The following RPRD1A variants were observed in gnomAD, a reference collection of about 807,000 sequenced individuals.
The protein encoded by RPRD1A is regulation of nuclear pre-mRNA domain containing 1A.
RPRD1A carries 9 observed loss-of-function variants against 37.8 expected under a neutral mutation model. That is an observed-to-expected ratio of 0.24 (90% CI 0.14 to 0.42). The LOEUF (loss-of-function observed/expected upper bound fraction) is 0.42. Ranked by LOEUF, RPRD1A falls within the 10% of genes least tolerant of loss-of-function variation. The pLI is 1.00. For synonymous variants in RPRD1A, 138 were observed against 139.7 expected (o/e 0.99, Z 0.08); for missense variants, 255 against 371.0 (o/e 0.69, Z 2.57).
At chr18:36,028,850 G>A (rs1302311123) in intron 4 of RPRD1A, among the ~76,000 whole-genome samples, 3 of 152,136 alleles carry the variant, frequency 2.0e-5, no homozygotes, top group Non-Finnish European at 4.4e-5. Flanking sequence ...AAGAGCAACA[G>A]CATTTTACAC....
At chr18:36,054,907 T>C (rs1207167622) in intron 1 of RPRD1A, among the ~76,000 whole-genome samples, 1 of 152,150 alleles carries the variant, frequency 6.6e-6, no homozygotes, top group Non-Finnish European at 1.5e-5. Context: ...AGAAGTTCTC[T>C]CTTATTCACT....
chr18:35,991,147 A>G lies in RPRD1A; in HGVS notation c.*2004T>C, dbSNP rs1908696807. 6.6e-6 allele frequency: 1 copy of G among 152,340 alleles called. No homozygotes were observed. The highest frequency in any genetic ancestry group is 1.5e-5 in the Non-Finnish European group (1 of 68,032). 9.4% of individuals were successfully genotyped at this position (152,340 alleles called of 1,614,324 possible). A position where few individuals can be genotyped will look rare whatever the true frequency, so the allele number is the denominator to read the frequency against. ...CTTCCCAGGAGTACATAGTTTATAA[A>G]TTAGTTTTAAATGGAAAAAAATATA... On this transcript the variant is annotated 3_prime_UTR_variant, in exon 7 of 7. Transcript: ENST00000399022.
intron 1 of RPRD1A, among the ~76,000 whole-genome samples, chr18:36,038,479 G>A (rs1278404870): frequency 6.6e-6 from 1 of 152,224 alleles, no homozygotes; most frequent in Non-Finnish European, 1.5e-5. Flanking sequence ...AGATTTCAGA[G>A]GATATATGGA....
intron 6 of RPRD1A, among the ~76,000 whole-genome samples, chr18:36,011,480 A>T (rs1451850288): frequency 6.6e-6 from 1 of 152,150 alleles, no homozygotes; most frequent in Non-Finnish European, 1.5e-5. Flanking sequence ...TTCTTAAGAA[A>T]TCAGCAGAAG....
intron 1 of RPRD1A, among the ~76,000 whole-genome samples, chr18:36,052,688 T>G (rs1420192537): frequency 2.0e-5 from 3 of 152,126 alleles, no homozygotes; most frequent in Non-Finnish European, 1.5e-5. Flanking sequence ...AACCTCCACC[T>G]CCCGAGCTCA....
chr18:36,011,610 T>C (rs1910184147), intron 6 of RPRD1A, among the ~76,000 whole-genome samples: 1 of 152,104 alleles, frequency 6.6e-6, no homozygotes, highest in Non-Finnish European at 1.5e-5. Context: ...AAACTAATTA[T>C]ATAAGAACCT....
chr18:36,060,442 T>C (rs1454444552), intron 1 of RPRD1A, among the ~76,000 whole-genome samples: 1 of 151,800 alleles, frequency 6.6e-6, no homozygotes, highest in Non-Finnish European at 1.5e-5. Context: ...TCAAAAAAAA[T>C]AAAAAAGAAA....
chr18:36,038,905 G>A (rs1419294298), intron 1 of RPRD1A, among the ~76,000 whole-genome samples: 1 of 152,152 alleles, frequency 6.6e-6, no homozygotes, highest in Non-Finnish European at 1.5e-5. Context: ...TGGAACAGGA[G>A]CATTTACCAA....
At chr18:36,000,399 C>T (rs1909342789) in intron 6 of RPRD1A, among the ~76,000 whole-genome samples, 1 of 152,154 alleles carries the variant, frequency 6.6e-6, no homozygotes, top group Non-Finnish European at 1.5e-5. Flanking sequence ...TATCATCTAA[C>T]GAACTGTCTC....
chr18:36,027,126 AT>A (rs771146227), intron 5 of RPRD1A, 51 bp from the exon 6 acceptor site: 1 of 1,612,528 alleles, frequency 6.2e-7, no homozygotes, highest in Non-Finnish European at 8.5e-7. Context: ...ACAATGACAT[AT>A]GCTGTTCTCT....
intron 6 of RPRD1A, among the ~76,000 whole-genome samples, chr18:36,012,838 ATGTT>A (rs1344274087): frequency 6.6e-6 from 1 of 152,232 alleles, no homozygotes; most frequent in Non-Finnish European, 1.5e-5. Flanking sequence ...AAATTCATTA[ATGTT>A]TATTAGTAGG....
intron 1 of RPRD1A, among the ~76,000 whole-genome samples, chr18:36,062,206 A>C (rs952577159): frequency 6.7e-6 from 1 of 150,246 alleles, no homozygotes; most frequent in East Asian, 2.0e-4. Flanking sequence ...AGTCCCAGCT[A>C]CTCCGGAGGC....
intron 6 of RPRD1A, among the ~76,000 whole-genome samples, chr18:36,001,117 T>G (rs909483846): frequency 1.3e-5 from 2 of 152,116 alleles, no homozygotes; most frequent in African/African-American, 4.8e-5. Context: ...CGTGATAAAT[T>G]TTCTTAAACA....
intron 1 of RPRD1A, among the ~76,000 whole-genome samples, chr18:36,056,644 T>C (rs1913792568): frequency 6.6e-6 from 1 of 152,030 alleles, no homozygotes. Context: ...TAAGTATTTT[T>C]AGAAATACAC....
chr18:36,010,406 T>C (rs577148632), intron 6 of RPRD1A, among the ~76,000 whole-genome samples: 19 of 152,164 alleles, frequency 1.2e-4, no homozygotes, highest in Non-Finnish European at 1.6e-4. Context: ...GGTGGGAGGA[T>C]TGCTTGAGCC....
intron 6 of RPRD1A, chr18:36,026,697 C>T (rs1295320839): frequency 2.3e-6 from 1 of 426,436 alleles, no homozygotes; most frequent in African/African-American, 2.0e-5. Flanking sequence ...TTTGCTAATT[C>T]CAAATTTCTA....
chr18:36,010,563 G>A (rs916397729), intron 6 of RPRD1A, among the ~76,000 whole-genome samples: 1 of 152,150 alleles, frequency 6.6e-6, no homozygotes. Context: ...TTAAGGGTAG[G>A]ACATCAATGT....
At chr18:36,027,118 A>C in intron 5 of RPRD1A, 43 bp from the exon 6 acceptor site, 3 of 1,611,894 alleles carry the variant, frequency 1.9e-6, no homozygotes, top group Non-Finnish European at 2.5e-6. Flanking sequence ...CAACAAAAAC[A>C]ATGACATATG....
At chr18:36,038,378 G>C (rs777186859) in intron 1 of RPRD1A, among the ~76,000 whole-genome samples, 1 of 152,276 alleles carries the variant, frequency 6.6e-6, no homozygotes, top group Admixed American at 6.5e-5. Flanking sequence ...TTGCTTCAGA[G>C]GGTGCAAGCC....
Sources: allele counts gnomAD v4.1 joint callset (sites outside exome capture counted in the v4.1 genomes callset), GRCh38; gene constraint gnomAD v4.1.1; transcripts MANE v1.5; gene names NCBI Gene and HGNC (gene_info 2026-07-23, HGNC 2026-07-21).